The following PHF14 variants were observed in gnomAD, a reference collection of about 807,000 sequenced individuals.
The protein encoded by PHF14 is PHD finger protein 14.
PHF14 carries 55 observed loss-of-function variants against 117.9 expected under a neutral mutation model. The observed-to-expected ratio is 0.47, with a 90% CI of 0.38 to 0.58. The LOEUF is 0.58. PHF14 is among the 20% of genes least tolerant of loss of function. The pLI, the probability that PHF14 is intolerant of heterozygous loss-of-function variation, is 0.00. For synonymous variants in PHF14, 409 were observed against 368.6 expected (o/e 1.11, Z -1.26); for missense variants, 978 against 1,122.2 (o/e 0.87, Z 1.84).
chr7:10,988,168 CTT>C (rs767194587), intron 3 of PHF14, among the ~76,000 whole-genome samples: 21 of 152,066 alleles, frequency 1.4e-4, no homozygotes, highest in Non-Finnish European at 2.4e-4. Flanking sequence ...CTATTTCCCT[CTT>C]TGCGTTACAT....
At position 11,043,675 on chromosome 7, in the gene PHF14, T is replaced by TA. The variant is rs1469322312; in HGVS notation, c.2312+862dup. Among the ~76,000 whole-genome samples the TA allele has an allele frequency of 2.0e-5, 3 of 152,296 alleles. No homozygotes were observed. In the East Asian group the frequency reaches 5.8e-4, roughly 29 times the overall value. On this transcript the variant is annotated intron_variant, in intron 13 of 17. Transcript: ENST00000634607. Reference sequence around the variant, plus strand: ...CACTATTTTCACATGATTGCTTTTTTATAGTGTTCTTTGTATCAGTTTGTT... The same window carrying TA: ...CACTATTTTCACATGATTGCTTTTTTAATAGTGTTCTTTGTATCAGTTTGTT...
intron 16 of PHF14, among the ~76,000 whole-genome samples, chr7:11,076,440 G>A (rs1397336235): frequency 4.6e-5 from 7 of 151,726 alleles, no homozygotes; most frequent in Non-Finnish European, 8.8e-5. Flanking sequence ...TTTTTAAAAT[G>A]TACTGTCTGC....
intron 4 of PHF14, among the ~76,000 whole-genome samples, chr7:10,999,407 G>A (rs897876755): frequency 1.3e-5 from 2 of 152,174 alleles, no homozygotes; most frequent in Non-Finnish European, 2.9e-5. Context: ...TGGTCTCAAT[G>A]TCTCACATCT....
chr7:10,991,409 C>T (rs1420516293), intron 4 of PHF14, among the ~76,000 whole-genome samples: 1 of 151,822 alleles, frequency 6.6e-6, no homozygotes, highest in African/African-American at 2.4e-5. Flanking sequence ...AACTCCTGAC[C>T]TCGTGATCCA....
intron 16 of PHF14, among the ~76,000 whole-genome samples, chr7:11,086,926 A>C (rs1158018182): frequency 6.6e-6 from 1 of 152,130 alleles, no homozygotes; most frequent in African/African-American, 2.4e-5. Context: ...TATTTCACTG[A>C]AATCTCTGCG....
Position 11,106,415 on chromosome 7 carries a change from AT to A in PHF14, c.2655-4933del, listed in dbSNP as rs1213508840. The A allele has an allele frequency of 3.1e-6, 3 of 956,976 alleles. No individual in the cohort carries two copies. The East Asian group carries it at 3.5e-4, about 110-fold the overall frequency. The allele number at this position is 956,976 out of a possible 1,614,324, so 59.3% of individuals were successfully genotyped here. On this transcript the variant is annotated intron_variant, in intron 16 of 17. Coordinates refer to ENST00000634607, the MANE Select transcript of PHF14 (RefSeq NM_001007157.2). ...TGAAATGATTAAAAACCATTTTCTA[AT>A]TATTTTGTATAGAAACTGCTCATGT...
chr7:11,006,170 C>T (rs1660231227), intron 4 of PHF14, among the ~76,000 whole-genome samples: 1 of 152,184 alleles, frequency 6.6e-6, no homozygotes, highest in South Asian at 2.1e-4. Context: ...CAACAATGCA[C>T]AAACTACTTG....
chr7:11,153,170 A>G (rs907003957), intron 17 of PHF14, among the ~76,000 whole-genome samples: 2 of 152,194 alleles, frequency 1.3e-5, no homozygotes, highest in African/African-American at 4.8e-5. Context: ...GCTGATTAGG[A>G]AGCTATTGGA....
chr7:11,145,103 A>G (rs1199705894), intron 17 of PHF14, among the ~76,000 whole-genome samples: 1 of 151,908 alleles, frequency 6.6e-6, no homozygotes, highest in Non-Finnish European at 1.5e-5. Flanking sequence ...GGTAATTTTT[A>G]TGTCTATTTT....
intron 17 of PHF14, among the ~76,000 whole-genome samples, chr7:11,141,901 C>T (rs1019318379): frequency 6.7e-6 from 1 of 150,084 alleles, no homozygotes; most frequent in African/African-American, 2.4e-5. Context: ...AATACTGCTT[C>T]TGTGAGAGAA....
At chr7:10,985,312 G>C (rs959288956) in intron 3 of PHF14, among the ~76,000 whole-genome samples, 1 of 152,052 alleles carries the variant, frequency 6.6e-6, no homozygotes, top group Non-Finnish European at 1.5e-5. Context: ...TTTGAAGTTT[G>C]ATTTTCCCTG....
Position 11,103,615 on chromosome 7 carries a change from A to G in PHF14, c.2655-7735A>G, listed in dbSNP as rs899455875. ...TATACATGTAAATTGTCAACATGTAATTTGGAATTTTCTGATTAATAAATG... is the reference window on the plus strand; with the variant it reads ...TATACATGTAAATTGTCAACATGTAGTTTGGAATTTTCTGATTAATAAATG... On this transcript the variant is annotated intron_variant, in intron 16 of 17. Transcript: ENST00000634607. The G allele has an allele frequency of 1.6e-5, 16 of 984,478 alleles. No individual in the cohort carries two copies. In the African/African-American group the frequency reaches 2.6e-4, roughly 16 times the overall value. The allele number at this position is 984,478 out of a possible 1,614,324, so 61.0% of individuals were successfully genotyped here.
At chr7:11,108,650 T>TA (rs1157436555) in intron 16 of PHF14, 1 of 151,800 alleles carries the variant, frequency 6.6e-6, no homozygotes, top group East Asian at 1.9e-4. Flanking sequence ...AGCTAGCATA[T>TA]AAAATCTTTC....
chr7:11,061,010 T>A (rs1205588348), intron 14 of PHF14, among the ~76,000 whole-genome samples: 16 of 152,166 alleles, frequency 1.1e-4, no homozygotes, highest in Non-Finnish European at 2.9e-5. Context: ...CTTGGGAATG[T>A]TCCTTGATCT....
At chr7:11,004,246 C>CAAAAAAA (rs55917513) in intron 4 of PHF14, among the ~76,000 whole-genome samples, 41 of 51,262 alleles carry the variant, frequency 8.0e-4, no homozygotes, top group African/African-American at 2.7e-3. Context: ...GACTTTGTCT[C>CAAAAAAA]AAAAAAAAAA....
intron 17 of PHF14, among the ~76,000 whole-genome samples, chr7:11,126,858 A>G (rs1419410166): frequency 6.6e-6 from 1 of 152,040 alleles, no homozygotes; most frequent in Non-Finnish European, 1.5e-5. Context: ...AGAGACAAAA[A>G]AGTGGTTTTA....
At chr7:11,089,815 G>T (rs1786573840) in intron 16 of PHF14, among the ~76,000 whole-genome samples, 1 of 145,642 alleles carries the variant, frequency 6.9e-6, no homozygotes, top group Non-Finnish European at 1.5e-5. Context: ...TTGTTGCCCA[G>T]GCTGGAGTGC....
Position 10,983,170 on chromosome 7 carries a change from C to A in PHF14, c.900+11C>A. On this transcript the variant is annotated intron_variant, in intron 3 of 17. Coordinates refer to ENST00000634607, the MANE Select transcript of PHF14 (RefSeq NM_001007157.2). Reference sequence around the variant, plus strand: ...AGCAAGAGTAATGAGGTAGATCAACCCAATTTTTATATCTGTCTGTCTGGG... The same window carrying A: ...AGCAAGAGTAATGAGGTAGATCAACACAATTTTTATATCTGTCTGTCTGGG... The A allele has an allele frequency of 6.3e-7, 1 of 1,575,958 alleles. No homozygotes were observed. Among genetic ancestry groups the A allele is most frequent in the Non-Finnish European group, 8.6e-7 (1 of 1,167,536 alleles).
At chr7:11,081,289 T>C (rs1220950628) in intron 16 of PHF14, among the ~76,000 whole-genome samples, 2 of 152,178 alleles carry the variant, frequency 1.3e-5, no homozygotes, top group South Asian at 2.1e-4. Flanking sequence ...AGCATGACAA[T>C]ACTATTTGTA....
Sources: allele counts gnomAD v4.1 joint callset (sites outside exome capture counted in the v4.1 genomes callset), GRCh38; gene constraint gnomAD v4.1.1; transcripts MANE v1.5; gene names NCBI Gene and HGNC (gene_info 2026-07-23, HGNC 2026-07-21).